PATJ: variants seen among roughly 807,000 people sequenced by gnomAD.
PATJ encodes PATJ crumbs cell polarity complex component.
In PATJ, 190 loss-of-function variants were observed where a neutral mutation model predicts 224.9. The ratio of observed to expected loss-of-function variants is 0.84; its 90% CI spans 0.75 to 0.95. The LOEUF (loss-of-function observed/expected upper bound fraction) is 0.95. Ranked by LOEUF, PATJ falls within the 40% of genes least tolerant of loss-of-function variation. PATJ has a pLI of 0.00. For synonymous variants in PATJ, 769 were observed against 820.3 expected, an observed-to-expected ratio of 0.94 and a Z score of 1.07; for missense variants, 2,121 against 2,270.3, an observed-to-expected ratio of 0.93 and a Z score of 1.34.
At chr1:62,105,441 G>GAA (rs1286972530) in intron 33 of PATJ, among the ~76,000 whole-genome samples, 1 of 152,116 alleles carries the variant, frequency 6.6e-6, no homozygotes, top group Non-Finnish European at 1.5e-5. Flanking sequence ...ATTACAGGGT[G>GAA]CTACCAGGAG....
intron 27 of PATJ, among the ~76,000 whole-genome samples, chr1:61,929,391 G>A (rs1174555362): frequency 2.6e-5 from 4 of 151,568 alleles, no homozygotes; most frequent in South Asian, 2.1e-4. Context: ...GGGGGTGAGC[G>A]AATATCTTAT....
Position 62,121,334 on chromosome 1 carries a change from A to T in PATJ, c.5005+39A>T, listed in dbSNP as rs74909417. 5.3e-6 allele frequency: 6 copies of T among 1,121,904 alleles called. No homozygotes were observed. The South Asian group carries it at 5.6e-5, about 10-fold the overall frequency. The allele number at this position is 1,121,904 out of a possible 1,614,324, so 69.5% of individuals were successfully genotyped here. On this transcript the variant is annotated intron_variant, in intron 38 of 43. Coordinates refer to ENST00000642238, the MANE Select transcript of PATJ (RefSeq NM_001350145.3). ...ACACCCAGAGCAAAACTATCCTGTT[A>T]CCCAAATTAAAAAAAAAAAATGTGT...
intron 20 of PATJ, among the ~76,000 whole-genome samples, chr1:61,870,077 G>A (rs1666102963): frequency 6.6e-6 from 1 of 152,260 alleles, no homozygotes; most frequent in Admixed American, 6.5e-5. Context: ...GAGGGCAAAG[G>A]GCCAGTGTGA....
At chr1:61,887,703 G>A (rs1171582210) in intron 22 of PATJ, among the ~76,000 whole-genome samples, 1 of 152,102 alleles carries the variant, frequency 6.6e-6, no homozygotes, top group African/African-American at 2.4e-5. Context: ...CATGCAGCAT[G>A]ATGGATGATG....
intron 29 of PATJ, among the ~76,000 whole-genome samples, chr1:62,021,080 G>T (rs956861323): frequency 2.0e-5 from 3 of 151,898 alleles, no homozygotes; most frequent in Non-Finnish European, 4.4e-5. Context: ...TGCCTGGCTC[G>T]GCCTCCCAAA....
chr1:61,919,098 T>C (rs1257546213), intron 26 of PATJ, among the ~76,000 whole-genome samples: 2 of 152,192 alleles, frequency 1.3e-5, no homozygotes, highest in Non-Finnish European at 2.9e-5. Flanking sequence ...TTTTTTTTTC[T>C]GAAGAATTAC....
chr1:62,145,380 G>T (rs1210424653), intron 41 of PATJ, among the ~76,000 whole-genome samples: 1 of 152,216 alleles, frequency 6.6e-6, no homozygotes, highest in African/African-American at 2.4e-5. Flanking sequence ...GAAGGAAACA[G>T]GCCAGGTAAG....
intron 13 of PATJ, among the ~76,000 whole-genome samples, chr1:61,806,066 C>T (rs1389969433): frequency 3.9e-5 from 6 of 152,196 alleles, no homozygotes; most frequent in Non-Finnish European, 8.8e-5. Context: ...CTTTCACCTG[C>T]TATTAGATTC....
intron 20 of PATJ, 113 bp downstream of exon 20, chr1:61,864,746 G>A: frequency 1.1e-6 from 1 of 891,198 alleles, no homozygotes; most frequent in Non-Finnish European, 1.7e-6. Flanking sequence ...CTTTCCGTAA[G>A]TCGTCACTGT....
In PATJ at chr1:62,121,229, G is replaced by C. The variant is rs754826282; in HGVS notation, c.4939G>C (p.Val1647Leu). ...HSSCHPSFAP[V>L]ITGLQNLVGT... ...CAGCTGTCATCCCTCCTTCGCTCCT[G>C]TCATCACTGGCCTGCAAAACCTGGT... The change falls in exon 38 of 44, where the codon GTC becomes CTC. Residue 1647 changes from valine to leucine, a missense_variant. By Grantham distance (32) the Val-to-Leu change is conservative (BLOSUM62 1). Coordinates refer to ENST00000642238, the MANE Select transcript of PATJ (RefSeq NM_001350145.3). The C allele has an allele frequency of 5.0e-6, 8 of 1,613,760 alleles. No individual in the cohort carries two copies. The highest frequency in any genetic ancestry group is 6.8e-6 in the Non-Finnish European group (8 of 1,179,984).
chr1:62,100,339 A>C, intron 33 of PATJ: 1 of 718,026 alleles, frequency 1.4e-6, no homozygotes. Context: ...TGGGAAGTCC[A>C]AGAGCATGGA....
At chr1:61,856,318 C>T (rs1444447462) in intron 18 of PATJ, 79 bp downstream of exon 18, 1 of 1,157,350 alleles carries the variant, frequency 8.6e-7, no homozygotes, top group Non-Finnish European at 1.3e-6. Flanking sequence ...ACACATATAC[C>T]TGGCCAAGAA....
intron 7 of PATJ, among the ~76,000 whole-genome samples, chr1:61,778,858 G>C (rs766292745): frequency 6.6e-6 from 1 of 151,962 alleles, no homozygotes; most frequent in Non-Finnish European, 1.5e-5. Flanking sequence ...GTGCCACCAT[G>C]CCTGGCTAAT....
At chr1:62,025,828 GATAA>G (rs902936259) in intron 29 of PATJ, among the ~76,000 whole-genome samples, 16 of 152,084 alleles carry the variant, frequency 1.1e-4, no homozygotes, top group African/African-American at 3.4e-4. Flanking sequence ...GTCTCAAATA[GATAA>G]ATAAATAAAT....
intron 12 of PATJ, among the ~76,000 whole-genome samples, chr1:61,802,430 T>C (rs537948029): frequency 6.6e-6 from 1 of 152,152 alleles, no homozygotes; most frequent in South Asian, 2.1e-4. Flanking sequence ...TCTTTACTTA[T>C]ATTAATTATT....
chr1:62,054,839 G>A (rs570164548), intron 31 of PATJ, among the ~76,000 whole-genome samples: 182 of 152,218 alleles, frequency 1.2e-3, no homozygotes, highest in African/African-American at 4.2e-3. Flanking sequence ...GGGAGATCAA[G>A]AGGTCAAGAG....
chr1:62,123,853 T>C (rs1665395357), intron 39 of PATJ, among the ~76,000 whole-genome samples: 1 of 151,648 alleles, frequency 6.6e-6, no homozygotes, highest in South Asian at 2.1e-4. Flanking sequence ...CTATCTTTTA[T>C]AGTAAAACAT....
intron 14 of PATJ, among the ~76,000 whole-genome samples, chr1:61,816,065 A>G (rs1656046408): frequency 6.6e-6 from 1 of 152,156 alleles, no homozygotes; most frequent in Non-Finnish European, 1.5e-5. Flanking sequence ...TGGTTTTGAC[A>G]AAAAAAGTTG....
At chr1:61,986,529 C>T (rs1002171305) in intron 27 of PATJ, among the ~76,000 whole-genome samples, 1 of 152,056 alleles carries the variant, frequency 6.6e-6, no homozygotes, top group African/African-American at 2.4e-5. Flanking sequence ...TAATGATCCT[C>T]CCGCCTCAAC....
Sources: gnomAD v4.1 joint callset for allele counts (sites outside exome capture counted in the v4.1 genomes callset) on GRCh38, gnomAD v4.1.1 for gene constraint, MANE v1.5 for transcripts, NCBI Gene and HGNC (gene_info 2026-07-23, HGNC 2026-07-21) for gene names.